AGBL1: variants seen among roughly 807,000 people sequenced by gnomAD.
The protein encoded by AGBL1 is cytosolic carboxypeptidase 4.
Under a neutral mutation model 118.9 loss-of-function variants are expected in AGBL1, and 130 were observed. The ratio of observed to expected loss-of-function variants is 1.09; its 90% CI spans 0.95 to 1.26. The LOEUF is 1.26. AGBL1 is among the 50% of genes most tolerant of loss of function. The pLI is 0.00. For synonymous variants in AGBL1, 555 were observed against 478.9 expected (o/e 1.16, Z -2.08); for missense variants, 1,584 against 1,298.1 (o/e 1.22, Z -3.38).
chr15:86,575,662 T>C (rs1053423374), intron 21 of AGBL1, among the ~76,000 whole-genome samples: 1 of 152,038 alleles, frequency 6.6e-6, no homozygotes, highest in Non-Finnish European at 1.5e-5. Flanking sequence ...AAATCATGGC[T>C]CACTGCAGTC....
intron 22 of AGBL1, among the ~76,000 whole-genome samples, chr15:86,801,575 A>G (rs76679790): frequency 6.6e-6 from 1 of 152,112 alleles, no homozygotes; most frequent in Non-Finnish European, 1.5e-5. Context: ...CTACATTCCC[A>G]AGAACGTCTC....
intron 18 of AGBL1, among the ~76,000 whole-genome samples, chr15:86,446,892 A>T (rs1407734624): frequency 3.9e-5 from 6 of 152,200 alleles, no homozygotes; most frequent in African/African-American, 1.4e-4. Flanking sequence ...TATCCTTTAA[A>T]TGTATATCTG....
chr15:86,355,062 A>G (rs2080691647), intron 17 of AGBL1, among the ~76,000 whole-genome samples: 1 of 152,154 alleles, frequency 6.6e-6, no homozygotes, highest in African/African-American at 2.4e-5. Flanking sequence ...GCCAAAGAAG[A>G]TTCTCCACCT....
At chr15:86,407,778 T>G (rs753402277) in intron 18 of AGBL1, among the ~76,000 whole-genome samples, 29 of 152,294 alleles carry the variant, frequency 1.9e-4, no homozygotes, top group Admixed American at 3.3e-4. Flanking sequence ...TAAGGTTTAA[T>G]AAGCATGGGG....
At chr15:86,159,193 C>A (rs1332349072) in intron 5 of AGBL1, among the ~76,000 whole-genome samples, 167 bp downstream of exon 5, 1 of 152,118 alleles carries the variant, frequency 6.6e-6, no homozygotes, top group Non-Finnish European at 1.5e-5. Flanking sequence ...CCTCCACACC[C>A]ATGAGTCATT....
At chr15:86,406,679 T>C (rs990175318) in intron 18 of AGBL1, among the ~76,000 whole-genome samples, 1 of 152,228 alleles carries the variant, frequency 6.6e-6, no homozygotes. Flanking sequence ...TAGCCATTTG[T>C]CTATAAATTG....
At position 86,264,110 on chromosome 15, in the gene AGBL1, G is replaced by T. The variant is rs1047710009; in HGVS notation, c.1087-148G>T. ...TTCTGTCATTTATTTGACTCTTGAA[G>T]GTTAGTCTTTAGTTGACCTTGGAAA... is the stretch of plus-strand genomic sequence containing the variant. On this transcript the variant is annotated intron_variant, in intron 10 of 22. Transcript: ENST00000614907. 6 of 675,250 alleles carry T rather than the reference G, an allele frequency of 8.9e-6. No homozygotes were observed. In the Admixed American group the frequency reaches 1.8e-4, roughly 21 times the overall value. 41.8% of individuals were successfully genotyped at this position (675,250 alleles called of 1,614,324 possible).
chr15:86,873,597 G>C (rs62032640), intron 22 of AGBL1, among the ~76,000 whole-genome samples: 17,619 of 152,092 alleles, frequency 0.12, 1,286 homozygotes, highest in Non-Finnish European at 0.16. Context: ...CCGTATAACA[G>C]AGGCCCTAGA....
chr15:86,846,554 C>T (rs533179731), intron 22 of AGBL1, among the ~76,000 whole-genome samples: 21 of 152,090 alleles, frequency 1.4e-4, no homozygotes, highest in South Asian at 8.3e-4. Context: ...TGTTTTGAGA[C>T]GGAGTCTCCC....
chr15:86,162,393 G>A (rs2077279382), intron 5 of AGBL1, among the ~76,000 whole-genome samples: 1 of 152,148 alleles, frequency 6.6e-6, no homozygotes, highest in Admixed American at 6.5e-5. Context: ...AATTAGATGT[G>A]CAGCTGTCCT....
intron 22 of AGBL1, among the ~76,000 whole-genome samples, chr15:86,779,648 A>C (rs1233646141): frequency 6.6e-6 from 1 of 152,158 alleles, no homozygotes; most frequent in Non-Finnish European, 1.5e-5. Context: ...TTAGCATTGT[A>C]TGGAGAATTC....
chr15:86,918,707 A>G (rs1005024385), downstream of AGBL1, among the ~76,000 whole-genome samples: 1 of 152,144 alleles, frequency 6.6e-6, no homozygotes, highest in African/African-American at 2.4e-5. Context: ...AAATCTTACC[A>G]TGGGCTGATG....
chr15:86,881,890 A>C (rs2079896927), intron 22 of AGBL1, among the ~76,000 whole-genome samples: 1 of 152,188 alleles, frequency 6.6e-6, no homozygotes, highest in Non-Finnish European at 1.5e-5. Flanking sequence ...GAACTCACTC[A>C]CTAGGTAGTA....
chr15:86,949,263 A>T (rs1054722229), intron 23 of AGBL1, among the ~76,000 whole-genome samples: 1 of 152,216 alleles, frequency 6.6e-6, no homozygotes, highest in Non-Finnish European at 1.5e-5. Context: ...TTACAAAATC[A>T]AGATGAAATT....
intron 22 of AGBL1, among the ~76,000 whole-genome samples, chr15:86,783,194 C>T (rs919623497): frequency 3.9e-5 from 6 of 152,180 alleles, no homozygotes; most frequent in South Asian, 2.1e-4. Context: ...CCGGTACTGC[C>T]TTTCCCTTCT....
chr15:86,420,709 A>G (rs1049578882), intron 18 of AGBL1, among the ~76,000 whole-genome samples: 1 of 152,214 alleles, frequency 6.6e-6, no homozygotes, highest in Non-Finnish European at 1.5e-5. Context: ...GAAGCTAAGA[A>G]CCTTGAAAAA....
intron 17 of AGBL1, among the ~76,000 whole-genome samples, chr15:86,376,146 C>T (rs1596034122): frequency 6.6e-6 from 1 of 152,148 alleles, no homozygotes; most frequent in Non-Finnish European, 1.5e-5. Flanking sequence ...AAGTTAGAGA[C>T]TCAATGGGAC....
chr15:86,633,392 A>G (rs116278098), intron 21 of AGBL1, among the ~76,000 whole-genome samples: 2,821 of 152,232 alleles, frequency 0.019, 103 homozygotes, highest in African/African-American at 0.064. Context: ...AAAAATCTCT[A>G]TCAACAGGAC....
intron 8 of AGBL1, 105 bp from the exon 9 acceptor site, chr15:86,257,859 A>T: frequency 9.2e-7 from 1 of 1,088,318 alleles, no homozygotes; most frequent in Non-Finnish European, 1.3e-6. Context: ...TGGGCCCCTT[A>T]TTTGAGAGAG....
Sources: gnomAD v4.1 joint callset for allele counts (sites outside exome capture counted in the v4.1 genomes callset) on GRCh38, gnomAD v4.1.1 for gene constraint, MANE v1.5 for transcripts, NCBI Gene and HGNC (gene_info 2026-07-23, HGNC 2026-07-21) for gene names.